MPDZ: variants seen among roughly 807,000 people sequenced by gnomAD.
The protein encoded by MPDZ is multiple PDZ domain protein.
MPDZ carries 234 observed loss-of-function variants against 239.1 expected under a neutral mutation model. The ratio of observed to expected loss-of-function variants is 0.98; its 90% CI spans 0.88 to 1.09. The LOEUF is 1.09. Among genes scored for constraint, MPDZ ranks in the 50% least tolerant of loss-of-function variants. The pLI is 0.00. For synonymous variants in MPDZ, 1,048 were observed against 881.3 expected, an observed-to-expected ratio of 1.19 and a Z score of -3.35; for missense variants, 3,175 against 2,510.0, an observed-to-expected ratio of 1.26 and a Z score of -5.66.
intron 23 of MPDZ, among the ~76,000 whole-genome samples, chr9:13,158,733 T>C (rs1177797872): frequency 2.0e-5 from 3 of 152,190 alleles, no homozygotes; most frequent in Non-Finnish European, 4.4e-5. Context: ...CTTCCGTTTA[T>C]GTAGCAATTT....
intron 22 of MPDZ, among the ~76,000 whole-genome samples, chr9:13,163,069 T>C (rs1240165618): frequency 6.6e-6 from 1 of 152,154 alleles, no homozygotes; most frequent in Non-Finnish European, 1.5e-5. Flanking sequence ...CAATTATTTA[T>C]ATTATCAAAT....
chr9:13,133,979 C>A, intron 31 of MPDZ, 75 bp from the exon 32 acceptor site: 1 of 630,022 alleles, frequency 1.6e-6, no homozygotes. Context: ...ATAAAGGCCA[C>A]TTATTCAAAA....
chr9:13,111,150 G>A (rs185973464), intron 43 of MPDZ, among the ~76,000 whole-genome samples: 2 of 152,212 alleles, frequency 1.3e-5, no homozygotes, highest in East Asian at 3.9e-4. Context: ...GCCAAATTTG[G>A]CCCACTGCCT....
intron 15 of MPDZ, among the ~76,000 whole-genome samples, chr9:13,191,308 C>A (rs1016952259): frequency 6.6e-6 from 1 of 152,094 alleles, no homozygotes; most frequent in East Asian, 1.9e-4. Flanking sequence ...TTCCATTGTA[C>A]TGATTCATTC....
At chr9:13,203,717 C>T (rs1291280398) in intron 12 of MPDZ, among the ~76,000 whole-genome samples, 2 of 147,658 alleles carry the variant, frequency 1.4e-5, no homozygotes, top group Non-Finnish European at 3.0e-5. Context: ...TAGTCACCCC[C>T]ATGTATCCTG....
In MPDZ at chr9:13,195,165, G is replaced by A. The variant is rs1484369238; in HGVS notation, c.1656+956C>T. ...CAGTTGGGCGTGGTGCTGCATGCCT[G>A]TAGTCCAAGCTACTCGGAAGGCTGA... is the stretch of plus-strand genomic sequence containing the variant. On this transcript the variant is annotated intron_variant, in intron 13 of 46. Coordinates refer to ENST00000319217, the MANE Select transcript of MPDZ (RefSeq NM_001378778.1). Among the ~76,000 whole-genome samples, 3 of 152,054 alleles carry A rather than the reference G, an allele frequency of 2.0e-5. No homozygotes were observed. The East Asian group carries it at 5.8e-4, about 29-fold the overall frequency.
intron 24 of MPDZ, among the ~76,000 whole-genome samples, chr9:13,156,735 T>C (rs911856643): frequency 5.3e-5 from 8 of 151,544 alleles, no homozygotes; most frequent in African/African-American, 1.7e-4. Flanking sequence ...GACCAACCTA[T>C]CTTTTTTTCC....
At chr9:13,128,110 C>T (rs942526047) in intron 32 of MPDZ, among the ~76,000 whole-genome samples, 7 of 152,178 alleles carry the variant, frequency 4.6e-5, no homozygotes, top group Admixed American at 4.6e-4. Flanking sequence ...TCTCTCTTCC[C>T]CCTTCTTCCC....
chr9:13,179,079 A>T (rs867353858), intron 19 of MPDZ, among the ~76,000 whole-genome samples: 1 of 152,148 alleles, frequency 6.6e-6, no homozygotes, highest in Non-Finnish European at 1.5e-5. Context: ...GTGACTTATT[A>T]TCTCTCTAGA....
intron 1 of MPDZ, among the ~76,000 whole-genome samples, chr9:13,259,778 G>T (rs1223199556): frequency 6.6e-6 from 1 of 152,108 alleles, no homozygotes; most frequent in Non-Finnish European, 1.5e-5. Flanking sequence ...GCCTGGAGAT[G>T]TGAGTAAAGG....
At chr9:13,241,673 C>G (rs1416157603) in intron 3 of MPDZ, among the ~76,000 whole-genome samples, 1 of 152,168 alleles carries the variant, frequency 6.6e-6, no homozygotes, top group African/African-American at 2.4e-5. Context: ...TTCTGATTGT[C>G]AAAGTTAAAA....
intron 12 of MPDZ, among the ~76,000 whole-genome samples, chr9:13,203,942 A>G (rs1956701344): frequency 6.6e-6 from 1 of 152,140 alleles, no homozygotes; most frequent in African/African-American, 2.4e-5. Context: ...TATTCACTTT[A>G]GCCTAAATAA....
At chr9:13,113,622 G>C (rs949975110) in intron 41 of MPDZ, among the ~76,000 whole-genome samples, 5 of 152,032 alleles carry the variant, frequency 3.3e-5, no homozygotes, top group African/African-American at 9.7e-5. Context: ...GGCATCTTCT[G>C]ATTTACTGGT....
chr9:13,120,754 C>T lies in MPDZ; in HGVS notation c.5231+985G>A, dbSNP rs572986735. The T allele has an allele frequency of 2.6e-3, 393 of 152,256 alleles. 2 individuals carry two copies. Among genetic ancestry groups the T allele is most frequent in the African/African-American group, 9.0e-3 (375 of 41,538 alleles). 9.4% of individuals were successfully genotyped at this position (152,256 alleles called of 1,614,324 possible). A position where few individuals can be genotyped will look rare whatever the true frequency, so the allele number is the denominator to read the frequency against. On this transcript the variant is annotated intron_variant, in intron 38 of 46. Coordinates refer to ENST00000319217, the MANE Select transcript of MPDZ (RefSeq NM_001378778.1). The stretch of plus-strand genomic sequence containing the variant: ...CTGGTTTGGCAATTCTGAAGAATGC[C>T]TATTTCCAAAGAAGGATATTCTGAA...
At position 13,250,351 on chromosome 9, in the gene MPDZ, T is replaced by G. The variant is rs138108496; in HGVS notation, c.-36A>C. On this transcript the variant is annotated 5_prime_UTR_variant, in exon 2 of 47. Coordinates refer to ENST00000319217, the MANE Select transcript of MPDZ (RefSeq NM_001378778.1). ...GTTCAGTGTTCTTCTCTGAAATGATTAACAGCAATTAAAATGGAACTCTGT... is the reference window on the plus strand; with the variant it reads ...GTTCAGTGTTCTTCTCTGAAATGATGAACAGCAATTAAAATGGAACTCTGT... The G allele has an allele frequency of 9.3e-4, 1,449 of 1,559,710 alleles. 11 individuals are homozygous for G. The African/African-American group carries it at 0.017, about 18-fold the overall frequency.
rs869272418 is a variant in MPDZ at position 13,136,325 on chromosome 9, C to CTTTTTTTTTTTTTTTTTTTTTTTTTTTT, written c.4293-144_4293-143insAAAAAAAAAAAAAAAAAAAAAAAAAAAA. On this transcript the variant is annotated intron_variant, in intron 30 of 46. Coordinates refer to ENST00000319217, the MANE Select transcript of MPDZ (RefSeq NM_001378778.1). ...ACACTTACAAATTTACAAACGTTTT[C>CTTTTTTTTTTTTTTTTTTTTTTTTTTTT]TTTTTTTTTTTTTTTTTTTTTTTTG... 56 of 156,700 alleles carry CTTTTTTTTTTTTTTTTTTTTTTTTTTTT rather than the reference C, an allele frequency of 3.6e-4. 7 individuals are homozygous for CTTTTTTTTTTTTTTTTTTTTTTTTTTTT. Among genetic ancestry groups the CTTTTTTTTTTTTTTTTTTTTTTTTTTTT allele is most frequent in the African/African-American group, 1.7e-3 (27 of 16,178 alleles). 9.7% of individuals were successfully genotyped at this position (156,700 alleles called of 1,614,324 possible). A position where few individuals can be genotyped will look rare whatever the true frequency, so the allele number is the denominator to read the frequency against.
chr9:13,254,771 T>TA (rs1183066302), intron 1 of MPDZ, among the ~76,000 whole-genome samples: 1 of 152,212 alleles, frequency 6.6e-6, no homozygotes, highest in Non-Finnish European at 1.5e-5. Flanking sequence ...TATACACCTT[T>TA]ATTAAAAAAG....
chr9:13,206,409 G>C (rs1265103732), intron 10 of MPDZ, among the ~76,000 whole-genome samples: 1 of 151,930 alleles, frequency 6.6e-6, no homozygotes, highest in African/African-American at 2.4e-5. Context: ...TTTTTGTTGA[G>C]ACAGGGTCTC....
At chr9:13,118,404 A>T (rs1943823893) in intron 39 of MPDZ, among the ~76,000 whole-genome samples, 1 of 152,186 alleles carries the variant, frequency 6.6e-6, no homozygotes, top group African/African-American at 2.4e-5. Context: ...ATCTTATATA[A>T]ACCTGAGAGG....
Sources: gnomAD v4.1 joint callset for allele counts (sites outside exome capture counted in the v4.1 genomes callset) on GRCh38, gnomAD v4.1.1 for gene constraint, MANE v1.5 for transcripts, NCBI Gene and HGNC (gene_info 2026-07-23, HGNC 2026-07-21) for gene names.